The following MSI2 variants were observed in gnomAD, a reference collection of about 807,000 sequenced individuals.
MSI2 encodes the protein musashi RNA binding protein 2.
Under a neutral mutation model 45.6 loss-of-function variants are expected in MSI2, and 17 were observed. The ratio of observed to expected loss-of-function variants is 0.37; its 90% CI spans 0.26 to 0.56. MSI2 has a LOEUF of 0.56. Among genes scored for constraint, MSI2 ranks in the 20% least tolerant of loss-of-function variants. MSI2 has a pLI of 0.77. For synonymous variants in MSI2, 156 were observed against 158.2 expected (o/e 0.99, Z 0.11); for missense variants, 293 against 444.2 (o/e 0.66, Z 3.06).
chr17:57,366,896 G>A (rs535306229), intron 5 of MSI2, among the ~76,000 whole-genome samples: 7 of 152,132 alleles, frequency 4.6e-5, no homozygotes, highest in East Asian at 1.9e-4. Flanking sequence ...CTAGTCTGTC[G>A]TTACCAACAC....
In MSI2 at chr17:57,636,070, C is replaced by T. The variant is rs114306173; in HGVS notation, c.727+8767C>T. 3.8e-3 allele frequency among the ~76,000 whole-genome samples: 583 copies of T among 152,222 alleles called. 5 individuals are homozygous for T. The highest frequency in any genetic ancestry group is 0.013 in the African/African-American group (552 of 41,516). On this transcript the variant is annotated intron_variant, in intron 10 of 13. Transcript: ENST00000284073. ...ATATCCTGTTCCTCTGGAGGGAAGC[C>T]GCTGTAGTCCATTGTCTGTAGGGCT...
intron 10 of MSI2, chr17:57,631,961 AC>A: frequency 6.9e-7 from 1 of 1,457,824 alleles, no homozygotes; most frequent in Non-Finnish European, 9.0e-7. Context: ...TGTTTGAATG[AC>A]TGTTCTTTTT....
At chr17:57,619,983 G>A (rs1422378970) in intron 9 of MSI2, among the ~76,000 whole-genome samples, 1 of 152,254 alleles carries the variant, frequency 6.6e-6, no homozygotes, top group Non-Finnish European at 1.5e-5. Context: ...TGCTGTAGCT[G>A]TGGTTGTGCC....
chr17:57,425,473 T>C (rs1274109497), intron 6 of MSI2, among the ~76,000 whole-genome samples: 1 of 152,142 alleles, frequency 6.6e-6, no homozygotes, highest in African/African-American at 2.4e-5. Context: ...TGTGTACACT[T>C]TTATATAAAT....
At chr17:57,386,356 A>C (rs1182789112) in intron 5 of MSI2, among the ~76,000 whole-genome samples, 1 of 152,122 alleles carries the variant, frequency 6.6e-6, no homozygotes, top group East Asian at 1.9e-4. Flanking sequence ...CCAGTGTAGC[A>C]GTGAGGAGTG....
chr17:57,481,170 C>G (rs145318227), intron 6 of MSI2, among the ~76,000 whole-genome samples: 1 of 152,324 alleles, frequency 6.6e-6, no homozygotes, highest in Admixed American at 6.5e-5. Context: ...GGTATTAAAG[C>G]CTGCATTTCC....
intron 8 of MSI2, among the ~76,000 whole-genome samples, chr17:57,609,828 C>T (rs1315010443): frequency 6.6e-6 from 1 of 152,184 alleles, no homozygotes; most frequent in Admixed American, 6.5e-5. Flanking sequence ...AAGCATTCCC[C>T]GCTAGGGAGA....
intron 5 of MSI2, among the ~76,000 whole-genome samples, chr17:57,373,857 G>C (rs17221133): frequency 0.056 from 8,489 of 152,296 alleles, 328 homozygotes; most frequent in East Asian, 0.2. Flanking sequence ...CATGTTGCCA[G>C]GGGAAATAGT....
At chr17:57,583,526 G>C (rs1344033230) in intron 7 of MSI2, among the ~76,000 whole-genome samples, 1 of 110,134 alleles carries the variant, frequency 9.1e-6, no homozygotes, top group South Asian at 2.9e-4. Context: ...GTCTCACTCT[G>C]TTGTCCAGGC....
chr17:57,679,578 G>A lies in MSI2; in HGVS notation c.*61G>A. 1 of 1,060,498 alleles carries A rather than the reference G, an allele frequency of 9.4e-7. No individual in the cohort carries two copies. Among genetic ancestry groups the A allele is most frequent in the African/African-American group, 1.6e-5 (1 of 60,888 alleles). The allele number at this position is 1,060,498 out of a possible 1,614,324, so 65.7% of individuals were successfully genotyped here. On this transcript the variant is annotated 3_prime_UTR_variant, in exon 14 of 14. Coordinates refer to ENST00000284073, the MANE Select transcript of MSI2 (RefSeq NM_138962.4). ...TACCTGGATGTCCAGGCAAGACTGG[G>A]CGAAGTTTCTGAGTGGCCCTTTGTT...
intron 5 of MSI2, among the ~76,000 whole-genome samples, chr17:57,400,059 G>A (rs1044381302): frequency 6.6e-5 from 10 of 152,220 alleles, no homozygotes; most frequent in African/African-American, 2.4e-4. Flanking sequence ...AGATGACATT[G>A]TGTGTTGATT....
chr17:57,334,753 C>T (rs1473115782), intron 5 of MSI2, among the ~76,000 whole-genome samples: 1 of 151,356 alleles, frequency 6.6e-6, no homozygotes, highest in African/African-American at 2.4e-5. Flanking sequence ...AAGATTGTGC[C>T]ATTGCACTCC....
chr17:57,410,008 C>CACAAAAAAAAAAAAA (rs1555599983), intron 6 of MSI2, among the ~76,000 whole-genome samples: 1 of 61,662 alleles, frequency 1.6e-5, no homozygotes, highest in African/African-American at 6.0e-5. Context: ...ACTCTGTCTC[C>CACAAAAAAAAAAAAA]AAAAAAAAAA....
chr17:57,603,171 A>G (rs1458070138), intron 8 of MSI2, among the ~76,000 whole-genome samples: 1 of 152,222 alleles, frequency 6.6e-6, no homozygotes, highest in Non-Finnish European at 1.5e-5. Flanking sequence ...GATCTCCCAG[A>G]GGAAGCTCTC....
At chr17:57,367,754 T>G (rs1917301308) in intron 5 of MSI2, among the ~76,000 whole-genome samples, 1 of 152,208 alleles carries the variant, frequency 6.6e-6, no homozygotes, top group Non-Finnish European at 1.5e-5. Flanking sequence ...GAGTTGAAGC[T>G]TATCTGCAGA....
At chr17:57,670,149 G>GC (rs1459980785) in intron 11 of MSI2, among the ~76,000 whole-genome samples, 2 of 152,300 alleles carry the variant, frequency 1.3e-5, no homozygotes, top group Admixed American at 6.5e-5. Context: ...AGCCAGAGGT[G>GC]CCCCCCTCAT....
intron 6 of MSI2, among the ~76,000 whole-genome samples, chr17:57,436,192 G>T (rs902314336): frequency 6.6e-6 from 1 of 152,190 alleles, no homozygotes; most frequent in Admixed American, 6.5e-5. Flanking sequence ...AGGCGTGGCC[G>T]TGGGCAAGCG....
intron 5 of MSI2, among the ~76,000 whole-genome samples, chr17:57,341,224 G>A (rs1320897348): frequency 6.6e-6 from 1 of 152,220 alleles, no homozygotes; most frequent in Non-Finnish European, 1.5e-5. Flanking sequence ...TGTGGCCCCA[G>A]CATCACCTAG....
At chr17:57,363,185 G>A (rs1228020608) in intron 5 of MSI2, among the ~76,000 whole-genome samples, 2 of 152,206 alleles carry the variant, frequency 1.3e-5, no homozygotes, top group African/African-American at 2.4e-5. Flanking sequence ...GCCTTGAAAA[G>A]GAAGGCAATT....
Sources: gnomAD v4.1 joint callset for allele counts (sites outside exome capture counted in the v4.1 genomes callset) on GRCh38, gnomAD v4.1.1 for gene constraint, MANE v1.5 for transcripts, NCBI Gene and HGNC (gene_info 2026-07-23, HGNC 2026-07-21) for gene names.